Variants in NDUFC1 observed in about 807,000 individuals in gnomAD.
NDUFC1 encodes the protein NADH dehydrogenase [ubiquinone] 1 subunit C1, mitochondrial.
Under a neutral mutation model 11.6 loss-of-function variants are expected in NDUFC1, and 11 were observed. The ratio of observed to expected loss-of-function variants is 0.95; its 90% CI spans 0.60 to 1.58. The LOEUF (loss-of-function observed/expected upper bound fraction) is 1.58. Among genes scored for constraint, NDUFC1 ranks in the 40% most tolerant of loss-of-function variants. The probability of loss-of-function intolerance (pLI) is 0.00; values close to 1 mark genes in which losing one functional copy is unlikely to be tolerated. For missense variants in NDUFC1, 112 were observed against 93.0 expected, an observed-to-expected ratio of 1.20 and a Z score of -0.84; for synonymous variants, 52 against 42.2, an observed-to-expected ratio of 1.23 and a Z score of -0.90.
chr4:139,291,875 C>T (rs1172698960), intron 5 of NDUFC1, among the ~76,000 whole-genome samples: 1 of 150,838 alleles, frequency 6.6e-6, no homozygotes, highest in Non-Finnish European at 1.5e-5. Flanking sequence ...CTCACTCTGT[C>T]ACCCAGGCTG....
intron 1 of NDUFC1, chr4:139,301,954 C>T (rs960835143): frequency 3.7e-6 from 4 of 1,080,852 alleles, no homozygotes; most frequent in East Asian, 2.8e-5. Flanking sequence ...TCATAGCTCT[C>T]GTCAGGCCGA....
intron 5 of NDUFC1, among the ~76,000 whole-genome samples, chr4:139,291,140 T>A (rs1009210104): frequency 3.5e-4 from 53 of 150,484 alleles, no homozygotes; most frequent in African/African-American, 7.8e-4. Context: ...TATATATATA[T>A]AATAAACTTT....
In NDUFC1 at chr4:139,295,067, G is replaced by A. The variant is rs762924674; in HGVS notation, c.147C>T (p.Gly49=). ...PDWLKVGFTL[G]TTVFLWIYLI... is the part of the protein sequence containing the mutation. ...CATAGATCCACAAGAAGACAGTGGT[G>A]CCCAAGGTGAACCCAACTTTCAGCC... Residue 49 remains glycine, a synonymous_variant, in exon 4 of 6, where the codon GGC becomes GGT. Coordinates refer to ENST00000394223, the MANE Select transcript of NDUFC1 (RefSeq NM_001184989.2). The A allele has an allele frequency of 3.7e-6, 6 of 1,613,966 alleles. No individual in the cohort carries two copies. In the African/African-American group the frequency reaches 8.0e-5, roughly 22 times the overall value.
At chr4:139,299,959 G>A (rs1156444696) in intron 1 of NDUFC1, among the ~76,000 whole-genome samples, 1 of 152,092 alleles carries the variant, frequency 6.6e-6, no homozygotes, top group African/African-American at 2.4e-5. Context: ...CCAGAAATTT[G>A]GATATGAAGC....
At chr4:139,295,621 G>A in intron 3 of NDUFC1, 111 bp downstream of exon 3, 1 of 1,210,592 alleles carries the variant, frequency 8.3e-7, no homozygotes, top group Non-Finnish European at 1.1e-6. Flanking sequence ...GCCGGCGAAG[G>A]TCACTGCAGG....
chr4:139,298,850 T>A (rs114607170), intron 1 of NDUFC1, among the ~76,000 whole-genome samples: 1,530 of 152,046 alleles, frequency 0.01, 13 homozygotes, highest in Non-Finnish European at 0.018. Context: ...ATTTTAAAAT[T>A]TTTTTGTAGA....
rs144577013 is a variant in NDUFC1 at position 139,294,888 on chromosome 4, T to C, written c.171+155A>G. On this transcript the variant is annotated intron_variant, in intron 4 of 5. Coordinates refer to ENST00000394223, the MANE Select transcript of NDUFC1 (RefSeq NM_001184989.2). ...TTTTTAGTCCTTGGGATTTCTCTTA[T>C]GGAAAAATACGTATCAGCGATTATA... 2.7e-3 allele frequency among the ~76,000 whole-genome samples: 414 copies of C among 152,318 alleles called. 1 individual carries two copies. The highest frequency in any genetic ancestry group is 4.5e-3 in the African/African-American group (188 of 41,568).
chr4:139,296,257 A>G, intron 2 of NDUFC1: 1 of 158,856 alleles, frequency 6.3e-6, no homozygotes, highest in Non-Finnish European at 1.4e-5. Flanking sequence ...TTTACAGATG[A>G]AGCTTAAAGA....
intron 1 of NDUFC1, chr4:139,300,810 G>C (rs1397275939): frequency 1.3e-5 from 2 of 152,156 alleles, no homozygotes; most frequent in African/African-American, 4.8e-5. Context: ...TGACTCATAA[G>C]GTCGGTCCGT....
chr4:139,293,875 C>G (rs1229171986), intron 4 of NDUFC1, among the ~76,000 whole-genome samples: 1 of 148,882 alleles, frequency 6.7e-6, no homozygotes, highest in African/African-American at 2.5e-5. Flanking sequence ...GTAGGTGCCA[C>G]GTAGTGTTGT....
chr4:139,295,882 T>C lies in NDUFC1; in HGVS notation c.-84A>G. 1 of 1,396,560 alleles carries C rather than the reference T, an allele frequency of 7.2e-7. No homozygotes were observed. Among genetic ancestry groups the C allele is most frequent in the Non-Finnish European group, 9.7e-7 (1 of 1,030,566 alleles). The allele number at this position is 1,396,560 out of a possible 1,614,324, so 86.5% of individuals were successfully genotyped here. A position where few individuals can be genotyped will look rare whatever the true frequency, so the allele number is the denominator to read the frequency against. ...CCGGAAGTGCGGGACTCGAGGGCTC[T>C]GCAGCAGAGCTCCGTGGGGGCGTCA... On this transcript the variant is annotated 5_prime_UTR_variant, in exon 3 of 6. Transcript: ENST00000394223.
Position 139,295,773 on chromosome 4 carries a change from G to C in NDUFC1, c.26C>G (p.Pro9Arg). The change falls in exon 3 of 6, where the codon CCC becomes CGC. Residue 9 changes from proline to arginine, a missense_variant. Physicochemically the swap from Pro to Arg is moderately radical, Grantham distance 103 (BLOSUM62 -2). Coordinates refer to ENST00000394223, the MANE Select transcript of NDUFC1 (RefSeq NM_001184989.2). MAPSALLR[P>R]LSRLLAPARL... ...GGCGGGGGCCAGCAGCCGGGAAAGG[G>C]GACGCAGCAAGGCGGACGGCGCCAT... The C allele has an allele frequency of 1.3e-6, 2 of 1,553,196 alleles. No individual in the cohort carries two copies. Among genetic ancestry groups the C allele is most frequent in the Non-Finnish European group, 8.7e-7 (1 of 1,150,282 alleles).
intron 5 of NDUFC1, among the ~76,000 whole-genome samples, chr4:139,291,921 C>T (rs966515367): frequency 2.6e-5 from 4 of 151,740 alleles, no homozygotes; most frequent in Admixed American, 2.6e-4. Flanking sequence ...ACTGCAAACT[C>T]TGCCTCCCGG....
intron 1 of NDUFC1, chr4:139,301,034 C>T (rs1258054210): frequency 6.6e-6 from 1 of 152,618 alleles, no homozygotes; most frequent in East Asian, 1.9e-4. Context: ...AAGCCCCTTT[C>T]TCCCCAGGGC....
intron 1 of NDUFC1, chr4:139,301,619 G>A: frequency 1.4e-6 from 1 of 712,418 alleles, no homozygotes; most frequent in African/African-American, 1.8e-5. Flanking sequence ...GGAAAAAGGA[G>A]GTGTCCGGGT....
At chr4:139,296,800 CAG>C (rs1467760588) in intron 2 of NDUFC1, among the ~76,000 whole-genome samples, 10 of 152,284 alleles carry the variant, frequency 6.6e-5, no homozygotes, top group Admixed American at 4.6e-4. Context: ...TTATAGGTAA[CAG>C]ACAATACATT....
chr4:139,302,041 C>G, intron 1 of NDUFC1: 2 of 456,020 alleles, frequency 4.4e-6, no homozygotes, highest in Non-Finnish European at 7.6e-6. Context: ...TCATTCCATC[C>G]CCACGCTTGA....
At chr4:139,299,935 TTTTGGATATGAAGCCAGAAA>T (rs1426216574) in intron 1 of NDUFC1, among the ~76,000 whole-genome samples, 3 of 152,162 alleles carry the variant, frequency 2.0e-5, no homozygotes, top group East Asian at 3.8e-4. Context: ...CTGTAGGGAT[TTTTGGATATGAAGCCAGAAA>T]TTTGGATATG....
At chr4:139,301,892 C>A in intron 1 of NDUFC1, 1 of 1,523,586 alleles carries the variant, frequency 6.6e-7, no homozygotes, top group Non-Finnish European at 8.9e-7. Context: ...GGCCTGTCAC[C>A]CCTAACCTCG....
Sources: gnomAD v4.1 joint callset for allele counts (sites outside exome capture counted in the v4.1 genomes callset) on GRCh38, gnomAD v4.1.1 for gene constraint, MANE v1.5 for transcripts, NCBI Gene and HGNC (gene_info 2026-07-23, HGNC 2026-07-21) for gene names.